INPP4B: variants seen among roughly 807,000 people sequenced by gnomAD.
INPP4B encodes inositol polyphosphate-4-phosphatase type II B.
In INPP4B, 55 loss-of-function variants were observed where a neutral mutation model predicts 122.5. That is an observed-to-expected ratio of 0.45 (90% CI 0.36 to 0.56). The LOEUF (loss-of-function observed/expected upper bound fraction) is 0.56, where lower values mean the gene tolerates loss of function less well. Among genes scored for constraint, INPP4B ranks in the 20% least tolerant of loss-of-function variants. The pLI, the probability that INPP4B is intolerant of heterozygous loss-of-function variation, is 0.00. For missense variants in INPP4B, 1,000 were observed against 1,097.7 expected, an observed-to-expected ratio of 0.91 and a Z score of 1.26; for synonymous variants, 403 against 388.7, an observed-to-expected ratio of 1.04 and a Z score of -0.43.
At chr4:142,628,467 A>C (rs1224338525) in intron 2 of INPP4B, among the ~76,000 whole-genome samples, 1 of 130,530 alleles carries the variant, frequency 7.7e-6, no homozygotes, top group East Asian at 2.5e-4. Context: ...ATGCTAGATG[A>C]CGAGTTAGTG....
chr4:142,045,236 T>A (rs574186123), intron 25 of INPP4B, among the ~76,000 whole-genome samples: 1 of 152,252 alleles, frequency 6.6e-6, no homozygotes, highest in Admixed American at 6.5e-5. Context: ...GGTAATTTGG[T>A]TTAAAGCCTT....
chr4:142,028,450 T>C lies in INPP4B; in HGVS notation c.*332A>G. Reference sequence around the variant, plus strand: ...GTGGTGCTCTGTGAATCACCCCTAGTCCTATTGAAATGATCCATGTTTCCT... The same window carrying C: ...GTGGTGCTCTGTGAATCACCCCTAGCCCTATTGAAATGATCCATGTTTCCT... On this transcript the variant is annotated 3_prime_UTR_variant, in exon 26 of 26. Coordinates refer to ENST00000262992, the MANE Select transcript of INPP4B (RefSeq NM_001101669.3). 1 of 306,480 alleles carries C rather than the reference T, an allele frequency of 3.3e-6. No homozygotes were observed. Among genetic ancestry groups the C allele is most frequent in the Non-Finnish European group, 6.1e-6 (1 of 163,802 alleles). The allele number at this position is 306,480 out of a possible 1,614,324, so 19.0% of individuals were successfully genotyped here. A position where few individuals can be genotyped will look rare whatever the true frequency, so the allele number is the denominator to read the frequency against.
intron 21 of INPP4B, among the ~76,000 whole-genome samples, chr4:142,120,390 C>T (rs778954779): frequency 9.2e-5 from 14 of 151,888 alleles, no homozygotes; most frequent in East Asian, 1.9e-4. Context: ...ATTTAGATAG[C>T]GATTGCAATG....
chr4:142,463,405 A>G (rs1183365467), intron 2 of INPP4B, among the ~76,000 whole-genome samples: 1 of 152,204 alleles, frequency 6.6e-6, no homozygotes, highest in Non-Finnish European at 1.5e-5. Context: ...CATGGGTTAT[A>G]CATCATTTTG....
At chr4:142,230,641 C>T (rs1853859835) in intron 12 of INPP4B, among the ~76,000 whole-genome samples, 1 of 67,100 alleles carries the variant, frequency 1.5e-5, no homozygotes, top group Non-Finnish European at 2.8e-5. Context: ...AAAACTCCAC[C>T]TCAAAAAAAA....
intron 1 of INPP4B, among the ~76,000 whole-genome samples, chr4:142,747,024 G>C (rs1580824176): frequency 6.6e-6 from 1 of 152,094 alleles, no homozygotes; most frequent in South Asian, 2.1e-4. Context: ...TGAAAAATGG[G>C]ATCTAATTAA....
At chr4:142,067,623 G>C (rs1011048329) in intron 25 of INPP4B, among the ~76,000 whole-genome samples, 2 of 152,204 alleles carry the variant, frequency 1.3e-5, no homozygotes, top group Non-Finnish European at 2.9e-5. Context: ...AAACGGTGTA[G>C]AGAAGTCCTT....
intron 7 of INPP4B, among the ~76,000 whole-genome samples, chr4:142,381,048 TAAGCAATACTCA>T (rs946460599): frequency 6.6e-5 from 10 of 152,178 alleles, no homozygotes; most frequent in Admixed American, 6.6e-4. Context: ...TTCACCATTA[TAAGCAATACTCA>T]ACCACGATTT....
intron 2 of INPP4B, among the ~76,000 whole-genome samples, chr4:142,608,055 T>C (rs1741653513): frequency 6.6e-6 from 1 of 152,230 alleles, no homozygotes; most frequent in Non-Finnish European, 1.5e-5. Context: ...TATTTACTGC[T>C]ATATTTTCAG....
At chr4:142,251,276 T>C (rs927943524) in intron 11 of INPP4B, among the ~76,000 whole-genome samples, 3 of 152,210 alleles carry the variant, frequency 2.0e-5, no homozygotes, top group South Asian at 2.1e-4. Flanking sequence ...AATTATAGTA[T>C]AGATGATTTT....
At chr4:142,270,800 A>G (rs1352514374) in intron 9 of INPP4B, 26 bp from the exon 10 acceptor site, 1 of 1,471,990 alleles carries the variant, frequency 6.8e-7, no homozygotes, top group South Asian at 1.1e-5. Context: ...CACGAAATGG[A>G]AAGGTAAGAA....
At chr4:142,744,332 CATAAGT>C (rs1372147806) in intron 1 of INPP4B, among the ~76,000 whole-genome samples, 3 of 151,640 alleles carry the variant, frequency 2.0e-5, no homozygotes, top group Non-Finnish European at 4.4e-5. Context: ...CAACAACTAC[CATAAGT>C]ATAATAGTAG....
intron 12 of INPP4B, among the ~76,000 whole-genome samples, chr4:142,229,634 C>T (rs551774390): frequency 3.8e-4 from 58 of 152,138 alleles, no homozygotes; most frequent in Non-Finnish European, 6.9e-4. Context: ...AGTGCAGGCA[C>T]CTCAAGATCA....
intron 2 of INPP4B, among the ~76,000 whole-genome samples, chr4:142,590,149 G>A (rs1737114967): frequency 1.3e-5 from 2 of 152,118 alleles, no homozygotes; most frequent in Admixed American, 6.6e-5. Context: ...GGGAATTTTA[G>A]AGGAGTATTT....
chr4:142,420,114 T>C lies in INPP4B; in HGVS notation c.136+9059A>G, dbSNP rs1416814051. ...GGATGAAAGACAAATTAAAAAAAAG[T>C]ATAAAGGAAACATCTAGGAAAAAAT... On this transcript the variant is annotated intron_variant, in intron 5 of 25. Coordinates refer to ENST00000262992, the MANE Select transcript of INPP4B (RefSeq NM_001101669.3). Among the ~76,000 whole-genome samples, 4 of 151,968 alleles carry C rather than the reference T, an allele frequency of 2.6e-5. No homozygotes were observed. The South Asian group carries it at 8.3e-4, about 31-fold the overall frequency.
intron 25 of INPP4B, among the ~76,000 whole-genome samples, chr4:142,073,291 C>T (rs1329844608): frequency 6.6e-6 from 1 of 152,108 alleles, no homozygotes; most frequent in Non-Finnish European, 1.5e-5. Context: ...AGGCCACTAT[C>T]GTTTGAACAT....
intron 5 of INPP4B, among the ~76,000 whole-genome samples, chr4:142,407,075 A>G (rs1447652091): frequency 6.6e-6 from 1 of 152,166 alleles, no homozygotes; most frequent in Non-Finnish European, 1.5e-5. Flanking sequence ...AATAATGTCA[A>G]CGTATCACCG....
At chr4:142,330,634 T>C (rs1001445720) in intron 7 of INPP4B, among the ~76,000 whole-genome samples, 10 of 152,218 alleles carry the variant, frequency 6.6e-5, no homozygotes, top group Non-Finnish European at 1.2e-4. Context: ...AATGTTCCTG[T>C]TCCCTTAAGC....
chr4:142,460,517 TTTTC>T (rs1307742633), intron 3 of INPP4B, among the ~76,000 whole-genome samples: 1 of 152,202 alleles, frequency 6.6e-6, no homozygotes, highest in African/African-American at 2.4e-5. Context: ...TGTTGGTCTA[TTTTC>T]TTTCTTTTCT....
Sources: gnomAD v4.1 joint callset for allele counts (sites outside exome capture counted in the v4.1 genomes callset) on GRCh38, gnomAD v4.1.1 for gene constraint, MANE v1.5 for transcripts, NCBI Gene and HGNC (gene_info 2026-07-23, HGNC 2026-07-21) for gene names.